The following NXPH1 variants were observed in gnomAD, a reference collection of about 807,000 sequenced individuals.
The protein encoded by NXPH1 is neurexophilin 1.
In NXPH1, 5 loss-of-function variants were observed where a neutral mutation model predicts 23.7. The observed-to-expected ratio is 0.21, with a 90% CI of 0.11 to 0.44. NXPH1 has a LOEUF of 0.44. Among genes scored for constraint, NXPH1 ranks in the 20% least tolerant of loss-of-function variants. The pLI is 0.99. For missense variants in NXPH1, 324 were observed against 321.6 expected (o/e 1.01, Z -0.06); for synonymous variants, 144 against 122.2 (o/e 1.18, Z -1.18).
intron 2 of NXPH1, among the ~76,000 whole-genome samples, chr7:8,659,889 C>T (rs911333531): frequency 3.3e-5 from 5 of 152,156 alleles, no homozygotes; most frequent in Non-Finnish European, 7.3e-5. Flanking sequence ...TCTGATGCAA[C>T]TTATCATCCA....
At chr7:8,530,954 A>G (rs1002422997) in intron 2 of NXPH1, among the ~76,000 whole-genome samples, 4 of 152,202 alleles carry the variant, frequency 2.6e-5, no homozygotes, top group African/African-American at 9.6e-5. Context: ...GATGTACATT[A>G]TCTCTTTTGC....
At chr7:8,706,424 T>C (rs1202375084) in intron 2 of NXPH1, among the ~76,000 whole-genome samples, 1 of 152,172 alleles carries the variant, frequency 6.6e-6, no homozygotes, top group Non-Finnish European at 1.5e-5. Flanking sequence ...TAAGCCCTCA[T>C]GGGGGAATTT....
chr7:8,734,375 A>G (rs1780209551), intron 2 of NXPH1, among the ~76,000 whole-genome samples: 1 of 152,102 alleles, frequency 6.6e-6, no homozygotes, highest in African/African-American at 2.4e-5. Flanking sequence ...TTGGTTCTAT[A>G]TGAAATTTAA....
intron 2 of NXPH1, among the ~76,000 whole-genome samples, chr7:8,694,172 T>C (rs1459946009): frequency 1.3e-5 from 2 of 152,180 alleles, no homozygotes; most frequent in Non-Finnish European, 2.9e-5. Context: ...TTCTTGTGGA[T>C]CATTTCCTCA....
At chr7:8,494,172 T>C (rs965529302) in intron 2 of NXPH1, among the ~76,000 whole-genome samples, 6 of 147,800 alleles carry the variant, frequency 4.1e-5, no homozygotes, top group African/African-American at 1.5e-4. Context: ...AAATTAGATT[T>C]CTTGATTTTT....
intron 2 of NXPH1, among the ~76,000 whole-genome samples, chr7:8,568,900 A>G (rs1818597375): frequency 6.6e-6 from 1 of 151,888 alleles, no homozygotes. Context: ...TTACTGAGCA[A>G]TGCAACAGGG....
intron 2 of NXPH1, among the ~76,000 whole-genome samples, chr7:8,624,384 A>G (rs556826824): frequency 1.8e-4 from 28 of 152,318 alleles, no homozygotes; most frequent in Middle Eastern, 3.4e-3. Context: ...AGAGCTAGAG[A>G]TGCCAATTCC....
chr7:8,646,930 G>A (rs1303414965), intron 2 of NXPH1, among the ~76,000 whole-genome samples: 2 of 151,788 alleles, frequency 1.3e-5, no homozygotes, highest in African/African-American at 2.4e-5. Flanking sequence ...GGCATGGGGA[G>A]CTGGGAGGGG....
At chr7:8,440,423 G>A (rs1327902333) in intron 2 of NXPH1, among the ~76,000 whole-genome samples, 2 of 152,188 alleles carry the variant, frequency 1.3e-5, no homozygotes, top group African/African-American at 4.8e-5. Context: ...TATTTTTTCG[G>A]AAAGCCATTA....
In NXPH1 at chr7:8,742,225, T is replaced by C. The variant is rs142941919; in HGVS notation, c.55-8783T>C. ...GGTATGGATGACTCATTTTATCCTA[T>C]ATGAACTTCTTTTAAAGTAATCATA... On this transcript the variant is annotated intron_variant, in intron 2 of 2. Transcript: ENST00000405863. Among the ~76,000 whole-genome samples, 73 of 152,278 alleles carry C rather than the reference T, an allele frequency of 4.8e-4. No individual in the cohort carries two copies. The Middle Eastern group carries it at 0.017, about 35-fold the overall frequency.
chr7:8,592,588 T>G (rs79243754), intron 2 of NXPH1, among the ~76,000 whole-genome samples: 1 of 152,012 alleles, frequency 6.6e-6, no homozygotes, highest in Non-Finnish European at 1.5e-5. Context: ...TCATATTATT[T>G]CTTTTAATTC....
chr7:8,676,460 T>C (rs1820954879), intron 2 of NXPH1, among the ~76,000 whole-genome samples: 1 of 134,786 alleles, frequency 7.4e-6, no homozygotes, highest in African/African-American at 2.8e-5. Context: ...TTTAGTTAGA[T>C]AATATATTTT....
chr7:8,570,579 G>A (rs541830651), intron 2 of NXPH1, among the ~76,000 whole-genome samples: 17 of 152,024 alleles, frequency 1.1e-4, no homozygotes, highest in African/African-American at 4.1e-4. Context: ...GGTGTTGGGG[G>A]TTTTTACTGA....
At chr7:8,555,276 A>G (rs1015575048) in intron 2 of NXPH1, among the ~76,000 whole-genome samples, 1 of 151,632 alleles carries the variant, frequency 6.6e-6, no homozygotes, top group African/African-American at 2.4e-5. Flanking sequence ...ATCAACTAAG[A>G]GCAGCTTTTA....
intron 2 of NXPH1, among the ~76,000 whole-genome samples, chr7:8,565,069 A>C (rs968993309): frequency 4.6e-5 from 7 of 151,762 alleles, no homozygotes; most frequent in Non-Finnish European, 7.4e-5. Flanking sequence ...TTTCCTGCCC[A>C]ATCACCTGTG....
At chr7:8,702,093 T>C (rs10268349) in intron 2 of NXPH1, among the ~76,000 whole-genome samples, 80,115 of 151,604 alleles carry the variant, frequency 0.53, 22,939 homozygotes, top group East Asian at 0.8. Flanking sequence ...TTATGTTGAT[T>C]TAGTTTTAAT....
chr7:8,628,374 T>G (rs1820041323), intron 2 of NXPH1, among the ~76,000 whole-genome samples: 1 of 149,706 alleles, frequency 6.7e-6, no homozygotes, highest in South Asian at 2.1e-4. Context: ...ATAGGTGTTT[T>G]TTTTTTTTTT....
In NXPH1 at chr7:8,645,926, A is replaced by G. The variant is rs73054648; in HGVS notation, c.55-105082A>G. On this transcript the variant is annotated intron_variant, in intron 2 of 2. Coordinates refer to ENST00000405863, the MANE Select transcript of NXPH1 (RefSeq NM_152745.3). ...TCTCTGTAATCTTTTTGCCAATTCC[A>G]TGTGTGTTAATTGTATTTTTATTAT... Among the ~76,000 whole-genome samples, 503 of 152,092 alleles carry G rather than the reference A, an allele frequency of 3.3e-3. 3 individuals carry two copies. Among genetic ancestry groups the G allele is most frequent in the Non-Finnish European group, 4.8e-3 (324 of 67,908 alleles).
intron 2 of NXPH1, among the ~76,000 whole-genome samples, chr7:8,533,303 T>C (rs1012401942): frequency 3.3e-5 from 5 of 152,160 alleles, no homozygotes; most frequent in African/African-American, 1.2e-4. Context: ...TAATCTGTTG[T>C]TCTTTTATAG....
Sources: allele counts gnomAD v4.1 joint callset (sites outside exome capture counted in the v4.1 genomes callset), GRCh38; gene constraint gnomAD v4.1.1; transcripts MANE v1.5; gene names NCBI Gene and HGNC (gene_info 2026-07-23, HGNC 2026-07-21).